PKD1: variants seen among roughly 807,000 people sequenced by gnomAD.
PKD1 encodes polycystin-1.
A neutral mutation model predicts 361.7 loss-of-function variants in PKD1; 81 were observed. The ratio of observed to expected loss-of-function variants is 0.22; its 90% CI spans 0.19 to 0.27. The LOEUF is 0.27. PKD1 is among the 10% of genes least tolerant of loss of function. PKD1 has a pLI of 1.00. For synonymous variants in PKD1, 3,615 were observed against 2,818.3 expected, an observed-to-expected ratio of 1.28 and a Z score of -8.95; for missense variants, 6,399 against 6,118.3, an observed-to-expected ratio of 1.05 and a Z score of -1.53.
chr16:2,109,810 G>A lies in PKD1; in HGVS notation c.5357C>T (p.Pro1786Leu), dbSNP rs151176070. 9.6e-5 allele frequency: 155 copies of A among 1,610,400 alleles called. No homozygotes were observed. Among genetic ancestry groups the A allele is most frequent in the Non-Finnish European group, 1.1e-4 (132 of 1,179,764 alleles). Residue 1786 changes from proline to leucine, a missense_variant, in exon 15 of 46, where the codon CCG becomes CTG. By Grantham distance (98) the Pro-to-Leu change is moderately conservative (BLOSUM62 -3). Transcript: ENST00000262304. ...LHLVTMTAGN[P>L]LGSANATVEV... The stretch of plus-strand genomic sequence containing the variant: ...CACGGTGGCGTTGGCTGAGCCCAGC[G>A]GGTTCCCTGCCGTCATGGTGACCAA...
rs944845423 is a variant in PKD1, at chr16:2,105,544, A to G, written c.7864-70T>C. 6 of 1,594,844 alleles carry G rather than the reference A, an allele frequency of 3.8e-6. No homozygotes were observed. In the African/African-American group the frequency reaches 4.0e-5, roughly 11 times the overall value. ...GCCGGCAGGAGGCCAGCAGATGCCC[A>G]CGACTCCCGGGGTGCAGTTACGTGC... On this transcript the variant is annotated intron_variant, in intron 20 of 45. Coordinates refer to ENST00000262304, the MANE Select transcript of PKD1 (RefSeq NM_001009944.3).
rs572319823 is a variant in PKD1 at position 2,119,205 on chromosome 16, C to A, written c.288-20G>T. On this transcript the variant is annotated intron_variant, in intron 2 of 45. Transcript: ENST00000262304. ...ATATCCCTGGAAGAGACGGGGGATT[C>A]GGCAAAGCTGATGGAAGCCCCCACA... 6.4e-7 allele frequency: 1 copy of A among 1,557,166 alleles called. No individual in the cohort carries two copies. The highest frequency in any genetic ancestry group is 1.7e-5 in the Admixed American group (1 of 59,714).
In PKD1 at chr16:2,100,180, T is replaced by A. The variant is rs2092034641; in HGVS notation, c.9698A>T (p.Glu3233Val). The A allele has an allele frequency of 6.2e-7, 1 of 1,609,256 alleles. No individual in the cohort carries two copies. Among genetic ancestry groups the A allele is most frequent in the Non-Finnish European group, 8.5e-7 (1 of 1,178,638 alleles). ...CGAGGCCTTACTCGCGGCCAGCACC[T>A]CCTTCTCCACCAGGCCCCCGTTGGC... Reference protein sequence around the residue: ...TEANGGLVEKEVLAASDAALL... With the variant: ...TEANGGLVEKVVLAASDAALL... Residue 3233 changes from glutamate to valine, a missense_variant, in exon 28 of 46, where the codon GAG (glutamate) becomes GTG (valine). By Grantham distance (121) the Glu-to-Val change is moderately radical. Coordinates refer to ENST00000262304, the MANE Select transcript of PKD1 (RefSeq NM_001009944.3). The surrounding 1 kb of genome is among the most constrained non-coding windows in gnomAD (Gnocchi z 4.4).
chr16:2,090,695 G>A lies in PKD1; in HGVS notation c.12117C>T (p.Ala4039=), dbSNP rs551578885. The A allele has an allele frequency of 1.5e-5, 24 of 1,612,388 alleles. No individual in the cohort carries two copies. In the East Asian group the frequency reaches 1.8e-4, roughly 12 times the overall value. ...VTLGLVVLGV[A]YAQLAILLVS... ...CTACCAGGATGGCCAGCTGGGCGTA[G>A]GCTACCCCGAGCACCACCAGGCCCA... The change falls in exon 44 of 46, where the codon GCC becomes GCT. Residue 4039 remains alanine (A), a synonymous_variant. Coordinates refer to ENST00000262304, the MANE Select transcript of PKD1 (RefSeq NM_001009944.3).
chr16:2,108,531 G>C lies in PKD1; in HGVS notation c.6636C>G (p.Ser2212Arg). Residue 2212 changes from serine (S) to arginine (R), a missense_variant, in exon 15 of 46, where the codon AGC (serine) becomes AGG (arginine). Physicochemically the swap from Ser to Arg is moderately radical, Grantham distance 110. Coordinates refer to ENST00000262304, the MANE Select transcript of PKD1 (RefSeq NM_001009944.3). ...GCCGCGGCAGCACCAGCCGAGGCCG[G>C]CTCACGTCCACGCCGGGCAGGGCCA... The part of the protein sequence containing the change: ...ARVALPGVDV[S>R]RPRLVLPRLA... The C allele has an allele frequency of 6.2e-7, 1 of 1,608,198 alleles. No individual in the cohort carries two copies. The highest frequency in any genetic ancestry group is 8.5e-7 in the Non-Finnish European group (1 of 1,178,588).
At chr16:2,098,237 G>A (rs2091930340) in intron 30 of PKD1, 3 of 554,896 alleles carry the variant, frequency 5.4e-6, no homozygotes, top group African/African-American at 3.8e-5. Flanking sequence ...TTTAGATGGA[G>A]TCTCGCTGTC....
At chr16:2,113,852 T>A (rs1331272296) in intron 11 of PKD1, 7 of 466,276 alleles carry the variant, frequency 1.5e-5, no homozygotes, top group Non-Finnish European at 2.8e-5. Context: ...CCACTCGCTT[T>A]AGCCAGGCGA....
Position 2,116,833 on chromosome 16 carries a change from C to G in PKD1, c.1606G>C (p.Gly536Arg). 6.6e-7 allele frequency: 1 copy of G among 1,525,524 alleles called. No individual in the cohort carries two copies. 94.5% of individuals were successfully genotyped at this position (1,525,524 alleles called of 1,614,324 possible). A position where few individuals can be genotyped will look rare whatever the true frequency, so the allele number is the denominator to read the frequency against. The change falls in exon 7 of 46, where the codon GGC becomes CGC. Residue 536 changes from glycine (G) to arginine (R), a missense_variant and splice_region_variant. By Grantham distance (125) the Gly-to-Arg change is moderately radical. Coordinates refer to ENST00000262304, the MANE Select transcript of PKD1 (RefSeq NM_001009944.3). ...GGCCCCTGCCTGGCCCCCCGCACAC[C>G]TCCGGGCTGCAGCTCGCAGACGTAG... The part of the protein sequence containing the change: ...HSYVCELQPG[G>R]PVQDAENLLV...
chr16:2,109,168 G>A lies in PKD1; in HGVS notation c.5999C>T (p.Ser2000Phe). The A allele has an allele frequency of 6.2e-7, 1 of 1,600,386 alleles. No individual in the cohort carries two copies. The highest frequency in any genetic ancestry group is 1.1e-5 in the South Asian group (1 of 90,890). The change falls in exon 15 of 46, where the codon TCT (serine) becomes TTT (phenylalanine). Residue 2000 changes from serine (S) to phenylalanine (F), a missense_variant. Physicochemically the swap from Ser to Phe is radical, Grantham distance 155. Coordinates refer to ENST00000262304, the MANE Select transcript of PKD1 (RefSeq NM_001009944.3). ...RNFTARVQRGSRVAYAWYFSL... is the reference protein window; with the variant it reads ...RNFTARVQRGFRVAYAWYFSL... ...GAAGTACCAGGCGTAGGCGACCCGA[G>A]AGCCGCGCTGCACGCGGGCTGTGAA...
At chr16:2,102,015 G>A (rs1177567153) in intron 26 of PKD1, 46 bp downstream of exon 26, 2 of 1,238,792 alleles carry the variant, frequency 1.6e-6, no homozygotes, top group South Asian at 2.5e-5. Flanking sequence ...AACCAGCACA[G>A]CCAGTGAGAG....
chr16:2,135,237 G>C, intron 1 of PKD1: 1 of 985,236 alleles, frequency 1.0e-6, no homozygotes, highest in Non-Finnish European at 1.2e-6. Context: ...GCCCCCGCTG[G>C]CGTCTGCAGA....
Position 2,106,850 on chromosome 16 carries a change from G to A in PKD1, c.7164C>T (p.Tyr2388=). The A allele has an allele frequency of 2.8e-5, 44 of 1,548,242 alleles. 2 individuals carry two copies. The highest frequency in any genetic ancestry group is 3.8e-5 in the Non-Finnish European group (43 of 1,142,134). The change falls in exon 17 of 46, where the codon TAC becomes TAT. Residue 2388 remains tyrosine (Y), a synonymous_variant. Coordinates refer to ENST00000262304, the MANE Select transcript of PKD1 (RefSeq NM_001009944.3). This position sits in a 1 kb window ranked among gnomAD's most constrained non-coding sequence, Gnocchi z 6.5. ...TGCAATTGAGGCAGCGGCCCTCCAA[G>A]TACACGTAGGAGCTGCGGCTCACTT... ...VYEVSRSSYV[Y]LEGRCLNCSS...
chr16:2,096,726 A>C (rs2091863489), intron 34 of PKD1: 1 of 188,324 alleles, frequency 5.3e-6, no homozygotes, highest in Non-Finnish European at 1.1e-5. Context: ...CATGTTGGCC[A>C]GGCTGGTCTC....
At position 2,092,546 on chromosome 16, in the gene PKD1, C is replaced by A; in HGVS notation, c.11203G>T (p.Val3735Phe). Residue 3735 changes from valine (V) to phenylalanine (F), a missense_variant, in exon 39 of 46, where the codon GTC (valine) becomes TTC (phenylalanine). Coordinates refer to ENST00000262304, the MANE Select transcript of PKD1 (RefSeq NM_001009944.3). Reference sequence around the variant, plus strand: ...TCTGGGCTGGACTGGTTCCCGTGGACGTAGGGCAGCAGCACGTGGGCCATC... The same window carrying A: ...TCTGGGCTGGACTGGTTCCCGTGGAAGTAGGGCAGCAGCACGTGGGCCATC... ...PWMAHVLLPY[V>F]HGNQSSPELG... 1 of 1,612,642 alleles carries A rather than the reference C, an allele frequency of 6.2e-7. No individual in the cohort carries two copies. The highest frequency in any genetic ancestry group is 8.5e-7 in the Non-Finnish European group (1 of 1,179,840).
Position 2,108,787 on chromosome 16 carries a change from G to A in PKD1, c.6380C>T (p.Ser2127Phe). The change falls in exon 15 of 46, where the codon TCC (serine) becomes TTC (phenylalanine). Residue 2127 changes from serine to phenylalanine, a missense_variant. Coordinates refer to ENST00000262304, the MANE Select transcript of PKD1 (RefSeq NM_001009944.3). ...CGCCACGAAGAAGCTCACCAGGTTG[G>A]AGGCGTTCACCTGCACGCGGTAGTC... ...PGDYRVQVNA[S>F]NLVSFFVAQA... The A allele has an allele frequency of 6.4e-7, 1 of 1,570,668 alleles. No homozygotes were observed. The highest frequency in any genetic ancestry group is 8.6e-7 in the Non-Finnish European group (1 of 1,159,164).
Position 2,103,439 on chromosome 16 carries a change from G to A in PKD1, c.8618C>T (p.Thr2873Ile), listed in dbSNP as rs148378229. 565 of 1,599,264 alleles carry A rather than the reference G, an allele frequency of 3.5e-4. 1 individual carries two copies. The highest frequency in any genetic ancestry group is 4.4e-4 in the Non-Finnish European group (520 of 1,179,582). Residue 2873 changes from threonine (T) to isoleucine (I), a missense_variant, in exon 23 of 46, where the codon ACC (threonine) becomes ATC (isoleucine). Coordinates refer to ENST00000262304, the MANE Select transcript of PKD1 (RefSeq NM_001009944.3). Reference sequence around the variant, plus strand: ...GTCCGAGTTGTTGGGCACCTTCACGGTGATGGCGCGCTCTGAGGCCAGCCG... The same window carrying A: ...GTCCGAGTTGTTGGGCACCTTCACGATGATGGCGCGCTCTGAGGCCAGCCG... ...IERLASERAI[T>I]VKVPNNSDWA...
chr16:2,110,796 T>C lies in PKD1; in HGVS notation c.4371A>G (p.Ser1457=). ...CGGGCTCCTGCACCTCCACCAGGGC[T>C]GAGTCATTGGCAGCAGAGATGTTGT... ...ASNNISAAND[S]ALVEVQEPVL... is the part of the protein sequence containing the mutation. Residue 1457 remains serine, a synonymous_variant, in exon 15 of 46, where the codon TCA becomes TCG. Transcript: ENST00000262304. 6.2e-7 allele frequency: 1 copy of C among 1,611,272 alleles called. No homozygotes were observed. The highest frequency in any genetic ancestry group is 1.3e-5 in the African/African-American group (1 of 74,986).
chr16:2,111,157 G>C lies in PKD1; in HGVS notation c.4010C>G (p.Thr1337Arg), dbSNP rs370569512. The change falls in exon 15 of 46, where the codon ACG (threonine) becomes AGG (arginine). Residue 1337 changes from threonine (T) to arginine (R), a missense_variant. Physicochemically the swap from Thr to Arg is moderately conservative, Grantham distance 71. Coordinates refer to ENST00000262304, the MANE Select transcript of PKD1 (RefSeq NM_001009944.3). Reference sequence around the variant, plus strand: ...CACCGTCGGGCACCCCCGCACGGTCGTGTTGGAGGAGCCATCCCCGAAGGT... The same window carrying C: ...CACCGTCGGGCACCCCCGCACGGTCCTGTTGGAGGAGCCATCCCCGAAGGT... ...DWTFGDGSSN[T>R]TVRGCPTVTH... The C allele has an allele frequency of 6.2e-7, 1 of 1,611,238 alleles. No individual in the cohort carries two copies. Among genetic ancestry groups the C allele is most frequent in the Non-Finnish European group, 8.5e-7 (1 of 1,179,758 alleles).
rs573774849 is a variant in PKD1 at position 2,123,968 on chromosome 16, C to T, written c.216-4590G>A. 4.7e-3 allele frequency among the ~76,000 whole-genome samples: 709 copies of T among 152,314 alleles called. 1 individual carries two copies. Among genetic ancestry groups the T allele is most frequent in the Admixed American group, 7.1e-3 (108 of 15,306 alleles). ...GACACAAGGGGTCCCCAGCGCCGAG[C>T]GTCCGATCTGGAAGGCGGGAGGAGT... On this transcript the variant is annotated intron_variant, in intron 1 of 45. Transcript: ENST00000262304.
Sources: allele counts gnomAD v4.1 joint callset (sites outside exome capture counted in the v4.1 genomes callset), GRCh38; gene constraint gnomAD v4.1.1; non-coding constraint Gnocchi (gnomAD v3.1); transcripts MANE v1.5; gene names NCBI Gene and HGNC (gene_info 2026-07-23, HGNC 2026-07-21).